The following DNAH14 variants were observed in gnomAD, a reference collection of about 807,000 sequenced individuals.
The protein encoded by DNAH14 is axonemal beta dynein heavy chain 14.
DNAH14 carries 478 observed loss-of-function variants against 520.9 expected under a neutral mutation model. That is an observed-to-expected ratio of 0.92 (90% CI 0.85 to 0.99). The LOEUF (loss-of-function observed/expected upper bound fraction) is 0.99, where lower values mean the gene tolerates loss of function less well. Among genes scored for constraint, DNAH14 ranks in the 50% least tolerant of loss-of-function variants. The pLI, the probability that DNAH14 is intolerant of heterozygous loss-of-function variation, is 0.00. For missense variants in DNAH14, 4,831 were observed against 5,234.5 expected (o/e 0.92, Z 2.38); for synonymous variants, 1,581 against 1,757.2 (o/e 0.90, Z 2.51).
intron 41 of DNAH14, among the ~76,000 whole-genome samples, chr1:225,220,109 C>G (rs568425115): frequency 1.3e-4 from 20 of 152,160 alleles, no homozygotes; most frequent in South Asian, 4.2e-4. Flanking sequence ...ATTCAACACA[C>G]CTTTATGCTA....
chr1:225,058,805 G>A (rs1485886873), intron 17 of DNAH14, among the ~76,000 whole-genome samples: 1 of 152,146 alleles, frequency 6.6e-6, no homozygotes, highest in Non-Finnish European at 1.5e-5. Context: ...AGTCATTCAG[G>A]AGCAGGTTGT....
chr1:224,942,411 C>T (rs997533117), intron 1 of DNAH14, among the ~76,000 whole-genome samples: 16 of 152,258 alleles, frequency 1.1e-4, no homozygotes, highest in East Asian at 1.9e-4. Flanking sequence ...TGGGCTGAGA[C>T]GATGGGGTTT....
In DNAH14 at chr1:225,377,532, G is replaced by T. The variant is rs1040401149; in HGVS notation, c.12716+96G>T. The T allele has an allele frequency of 6.4e-6, 8 of 1,246,500 alleles. No homozygotes were observed. In the African/African-American group the frequency reaches 1.1e-4, roughly 16 times the overall value. 77.2% of individuals were successfully genotyped at this position (1,246,500 alleles called of 1,614,324 possible). A position where few individuals can be genotyped will look rare whatever the true frequency, so the allele number is the denominator to read the frequency against. The stretch of plus-strand genomic sequence containing the variant: ...CCCAGCACCTTGGGAGGCTGAGGTG[G>T]ACAGATTGCTTGAGCTCAGGAGTTC... On this transcript the variant is annotated intron_variant, in intron 79 of 85. Transcript: ENST00000682510.
At chr1:225,006,653 C>T (rs2064194755) in intron 9 of DNAH14, among the ~76,000 whole-genome samples, 1 of 152,200 alleles carries the variant, frequency 6.6e-6, no homozygotes, top group African/African-American at 2.4e-5. Context: ...TGTCTGCTCT[C>T]AAACCCTGTT....
intron 41 of DNAH14, among the ~76,000 whole-genome samples, chr1:225,214,887 T>C (rs568853277): frequency 6.6e-6 from 1 of 152,250 alleles, no homozygotes; most frequent in East Asian, 1.9e-4. Context: ...TTTTGAAGGG[T>C]TTTTTGTGTC....
chr1:225,207,129 T>G lies in DNAH14; in HGVS notation c.6348T>G (p.Tyr2116Ter). 1.3e-6 allele frequency: 2 copies of G among 1,551,170 alleles called. No homozygotes were observed. The highest frequency in any genetic ancestry group is 1.7e-6 in the Non-Finnish European group (2 of 1,146,676). ...FIRNRQKFQP[Y>*]PMEDITVVIT... is the part of the protein sequence containing the mutation. ...GGAATCGTCAGAAATTTCAGCCATA[T>G]CCTATGGAGGACATAACAGTCGTCA... The change falls in exon 41 of 86, where the codon TAT (tyrosine) becomes TAG (stop). Residue 2116 changes from tyrosine (Y) to a stop codon, truncating the protein, a stop_gained. Coordinates refer to ENST00000682510, the MANE Select transcript of DNAH14 (RefSeq NM_001367479.1). LOFTEE classifies it high-confidence loss of function.
In DNAH14 at chr1:225,262,965, A is replaced by G. The variant is rs548437801; in HGVS notation, c.7158-1232A>G. ...TCAAATGTTAAAATGCTCTTGACAA[A>G]TAACTTTGTCTCTGTCATTCTATAT... On this transcript the variant is annotated intron_variant, in intron 46 of 85. Coordinates refer to ENST00000682510, the MANE Select transcript of DNAH14 (RefSeq NM_001367479.1). Among the ~76,000 whole-genome samples, 5 of 151,956 alleles carry G rather than the reference A, an allele frequency of 3.3e-5. No individual in the cohort carries two copies. The South Asian group carries it at 8.3e-4, about 25-fold the overall frequency.
intron 23 of DNAH14, among the ~76,000 whole-genome samples, chr1:225,112,491 C>T (rs2076559678): frequency 6.6e-6 from 1 of 152,074 alleles, no homozygotes; most frequent in Non-Finnish European, 1.5e-5. Context: ...CCTTCTTGTA[C>T]TTCAATACTG....
At chr1:225,170,464 G>C (rs200758039) in intron 36 of DNAH14, among the ~76,000 whole-genome samples, 4 of 152,020 alleles carry the variant, frequency 2.6e-5, no homozygotes, top group Admixed American at 6.6e-5. Context: ...GCAGGGGTTG[G>C]AATCCTAGTC....
intron 34 of DNAH14, among the ~76,000 whole-genome samples, chr1:225,156,951 G>A (rs1175235126): frequency 9.1e-6 from 1 of 109,576 alleles, no homozygotes; most frequent in African/African-American, 3.9e-5. Flanking sequence ...TCTTGACCTC[G>A]TGATCCGCCC....
chr1:225,094,921 T>G (rs1161165240), intron 21 of DNAH14, among the ~76,000 whole-genome samples: 1 of 151,082 alleles, frequency 6.6e-6, no homozygotes, highest in Non-Finnish European at 1.5e-5. Flanking sequence ...TATGAAAAAT[T>G]TCTCATCACT....
chr1:224,937,924 A>G (rs2059147360), intron 1 of DNAH14, among the ~76,000 whole-genome samples: 1 of 152,160 alleles, frequency 6.6e-6, no homozygotes, highest in Non-Finnish European at 1.5e-5. Context: ...ATCTTTGACA[A>G]AGTCACCAAG....
chr1:225,396,675 T>C (rs1558632104), intron 84 of DNAH14: 1 of 152,228 alleles, frequency 6.6e-6, no homozygotes, highest in Non-Finnish European at 1.5e-5. Flanking sequence ...TTCTCACTTA[T>C]TTCTGCTTTA....
intron 36 of DNAH14, among the ~76,000 whole-genome samples, chr1:225,168,478 A>G (rs1372431179): frequency 8.5e-5 from 13 of 152,234 alleles, no homozygotes. Flanking sequence ...CGAAGGTCTT[A>G]GCAAACAGCA....
chr1:225,361,516 G>A (rs187019780), intron 75 of DNAH14, among the ~76,000 whole-genome samples: 168 of 152,206 alleles, frequency 1.1e-3, no homozygotes, highest in African/African-American at 3.9e-3. Context: ...TCCAGCCTTG[G>A]TTTTCTTTCT....
chr1:225,089,428 G>C (rs1475921122), intron 21 of DNAH14, among the ~76,000 whole-genome samples: 2 of 50,932 alleles, frequency 3.9e-5, no homozygotes, highest in Non-Finnish European at 6.9e-5. Context: ...TGGGCAACAA[G>C]AGCAAAACTC....
At chr1:225,027,429 C>T (rs1189535666) in intron 11 of DNAH14, among the ~76,000 whole-genome samples, 1 of 151,958 alleles carries the variant, frequency 6.6e-6, no homozygotes, top group Admixed American at 6.6e-5. Context: ...AAGTTCCTGT[C>T]TGTATTAGTT....
At chr1:224,938,214 A>C (rs2059165156) in intron 1 of DNAH14, among the ~76,000 whole-genome samples, 2 of 152,234 alleles carry the variant, frequency 1.3e-5, no homozygotes, top group African/African-American at 4.8e-5. Context: ...TCAAGCCATA[A>C]GCTTCCACAC....
At chr1:225,108,561 A>C (rs537715286) in intron 23 of DNAH14, among the ~76,000 whole-genome samples, 1 of 151,948 alleles carries the variant, frequency 6.6e-6, no homozygotes, top group African/African-American at 2.4e-5. Context: ...TTTTTATTGC[A>C]TTTTTTCCTA....
Sources: allele counts gnomAD v4.1 joint callset (sites outside exome capture counted in the v4.1 genomes callset), GRCh38; gene constraint gnomAD v4.1.1; transcripts MANE v1.5; gene names NCBI Gene and HGNC (gene_info 2026-07-23, HGNC 2026-07-21).